The following C4orf36 variants were observed in gnomAD, a reference collection of about 807,000 sequenced individuals.
C4orf36 encodes the protein chromosome 4 open reading frame 36, also known as uncharacterized protein C4orf36.
C4orf36 carries 11 observed loss-of-function variants against 12.2 expected under a neutral mutation model. That is an observed-to-expected ratio of 0.90 (90% confidence interval 0.57 to 1.49). The LOEUF (loss-of-function observed/expected upper bound fraction) is 1.49, where lower values mean the gene tolerates loss of function less well. Among genes scored for constraint, C4orf36 ranks in the 40% most tolerant of loss-of-function variants. The pLI, the probability that C4orf36 is intolerant of heterozygous loss-of-function variation, is 0.00. For synonymous variants in C4orf36, 54 were observed against 51.3 expected, an observed-to-expected ratio of 1.05 and a Z score of -0.22; for missense variants, 137 against 133.9, an observed-to-expected ratio of 1.02 and a Z score of -0.11.
chr4:86,906,460 G>A, the C4orf36 span, among the ~76,000 whole-genome samples: 2 of 152,150 alleles, frequency 1.3e-5, no homozygotes, highest in Non-Finnish European at 2.9e-5. Flanking sequence ...AGGCATGGTG[G>A]CTTAGGCCTG....
upstream of C4orf36, among the ~76,000 whole-genome samples, chr4:86,892,713 T>C (rs1245676546): frequency 6.6e-6 from 1 of 152,222 alleles, no homozygotes; most frequent in East Asian, 1.9e-4. Context: ...TGCTGACATC[T>C]GGGGAACCGA....
At chr4:86,885,326 A>G (rs1439677400) in intron 4 of C4orf36, among the ~76,000 whole-genome samples, 5 of 152,268 alleles carry the variant, frequency 3.3e-5, no homozygotes, top group South Asian at 4.1e-4. Context: ...CTTCCTATCC[A>G]TGAGCATGGA....
chr4:86,921,319 T>TA, the C4orf36 span, among the ~76,000 whole-genome samples: 124,195 of 152,042 alleles, frequency 0.82, 52,178 homozygotes, highest in Middle Eastern at 0.93. Context: ...AATGAAAGCT[T>TA]GGTCACTCCA....
At chr4:86,880,784 G>A (rs576518196) in intron 4 of C4orf36, among the ~76,000 whole-genome samples, 10 of 152,290 alleles carry the variant, frequency 6.6e-5, no homozygotes, top group Admixed American at 3.9e-4. Flanking sequence ...GCTCATGCCT[G>A]TAGTCCTAGC....
At chr4:86,896,412 A>G (rs1747590042), upstream of C4orf36, among the ~76,000 whole-genome samples, 1 of 152,248 alleles carries the variant, frequency 6.6e-6, no homozygotes, top group African/African-American at 2.4e-5. Flanking sequence ...GTAAATCACA[A>G]ATGCAGCTTA....
At chr4:86,884,952 A>C (rs997862330) in intron 4 of C4orf36, among the ~76,000 whole-genome samples, 4 of 152,198 alleles carry the variant, frequency 2.6e-5, no homozygotes, top group Non-Finnish European at 5.9e-5. Flanking sequence ...CCATTTGTTA[A>C]ATAGGGAATC....
chr4:86,909,470 C>G, the C4orf36 span, among the ~76,000 whole-genome samples: 4 of 152,110 alleles, frequency 2.6e-5, no homozygotes, highest in Non-Finnish European at 5.9e-5. Context: ...ATGGCTGATA[C>G]CCAATACAGT....
chr4:86,912,132 C>T, the C4orf36 span, among the ~76,000 whole-genome samples: 5 of 152,186 alleles, frequency 3.3e-5, no homozygotes, highest in African/African-American at 1.2e-4. Flanking sequence ...ACCTCAGCCT[C>T]CCAAAGTGCT....
chr4:86,935,294 A>ACGC, the C4orf36 span: 7 of 151,974 alleles, frequency 4.6e-5, no homozygotes, highest in East Asian at 2.0e-4. Flanking sequence ...CCGGCCCCCG[A>ACGC]CGCCGCCGCC....
intron 2 of C4orf36, among the ~76,000 whole-genome samples, chr4:86,889,088 G>A (rs184806829): frequency 2.6e-5 from 4 of 152,314 alleles, no homozygotes; most frequent in East Asian, 1.9e-4. Flanking sequence ...GGTGGCTCAC[G>A]CCTGTAATCC....
the C4orf36 span, chr4:86,913,373 A>G: frequency 1.2e-6 from 1 of 807,578 alleles, no homozygotes; most frequent in Non-Finnish European, 2.1e-6. Flanking sequence ...TCATAAATAG[A>G]GACTTGAGTG....
the C4orf36 span, among the ~76,000 whole-genome samples, chr4:86,907,422 G>A: frequency 6.6e-5 from 10 of 152,228 alleles, 1 homozygote; most frequent in African/African-American, 2.2e-4. Context: ...ATAGCAGGGT[G>A]ATGAAATAAT....
At chr4:86,903,624 G>C in the C4orf36 span, among the ~76,000 whole-genome samples, 1 of 152,162 alleles carries the variant, frequency 6.6e-6, no homozygotes, top group African/African-American at 2.4e-5. Context: ...TTATTCCAAA[G>C]ATCAAAAGAA....
At chr4:86,908,423 C>T in the C4orf36 span, among the ~76,000 whole-genome samples, 2 of 148,988 alleles carry the variant, frequency 1.3e-5, no homozygotes, top group East Asian at 2.0e-4. Context: ...AGCAAGCAAG[C>T]TACTTTCGTT....
Position 86,892,340 on chromosome 4 carries a change from C to A in C4orf36, c.-231G>T. 1.0e-6 allele frequency: 1 copy of A among 985,486 alleles called. No homozygotes were observed. The highest frequency in any genetic ancestry group is 1.2e-6 in the Non-Finnish European group (1 of 829,968). 61.0% of individuals were successfully genotyped at this position (985,486 alleles called of 1,614,324 possible). A position where few individuals can be genotyped will look rare whatever the true frequency, so the allele number is the denominator to read the frequency against. On this transcript the variant is annotated 5_prime_UTR_variant, in exon 1 of 5. It removes the in-frame stop codon of an upstream open reading frame in the 5' UTR. Coordinates refer to ENST00000295898, the MANE Select transcript of C4orf36 (RefSeq NM_144645.4). ...GGTACTGAGGTAAGAGCGCGCTGCG[C>A]TAAGCGCACATGGCCGCGCACACGC...
the C4orf36 span, among the ~76,000 whole-genome samples, chr4:86,908,763 T>C: frequency 1.4e-4 from 22 of 152,060 alleles, no homozygotes; most frequent in African/African-American, 5.1e-4. Context: ...ACATGACTAC[T>C]ACCCACTATT....
the C4orf36 span, among the ~76,000 whole-genome samples, chr4:86,921,625 ACT>A: frequency 6.6e-6 from 1 of 152,122 alleles, no homozygotes; most frequent in Non-Finnish European, 1.5e-5. Flanking sequence ...CAATTAATAA[ACT>A]CAGTATTAAA....
the C4orf36 span, among the ~76,000 whole-genome samples, chr4:86,917,717 A>G: frequency 6.6e-6 from 1 of 152,212 alleles, no homozygotes; most frequent in Admixed American, 6.5e-5. Context: ...GTGTGTTGTT[A>G]GCTGATTTTG....
chr4:86,915,729 G>A, the C4orf36 span, among the ~76,000 whole-genome samples: 3 of 152,196 alleles, frequency 2.0e-5, no homozygotes, highest in Non-Finnish European at 4.4e-5. Context: ...GGAGGTTGCG[G>A]TGAGCCAAGA....
Sources: allele counts gnomAD v4.1 joint callset (sites outside exome capture counted in the v4.1 genomes callset), GRCh38; gene constraint gnomAD v4.1.1; transcripts MANE v1.5; gene names NCBI Gene and HGNC (gene_info 2026-07-23, HGNC 2026-07-21).